LRRC49: variants seen among roughly 807,000 people sequenced by gnomAD.
LRRC49 encodes the protein leucine-rich repeat-containing protein 49.
LRRC49 carries 50 observed loss-of-function variants against 83.3 expected under a neutral mutation model. The observed-to-expected ratio is 0.60, with a 90% CI of 0.48 to 0.76. The LOEUF is 0.76. Ranked by LOEUF, LRRC49 falls within the 30% of genes least tolerant of loss-of-function variation. The probability of loss-of-function intolerance (pLI) is 0.00; values close to 1 mark genes in which losing one functional copy is unlikely to be tolerated. For missense variants in LRRC49, 704 were observed against 809.1 expected (o/e 0.87, Z 1.58); for synonymous variants, 286 against 283.3 (o/e 1.01, Z -0.10).
In LRRC49 at chr15:71,051,182, A is replaced by G. The variant is rs1596189379; in HGVS notation, c.*1570A>G. ...TTGGCACTTAGGCCATCAGCTTACT[A>G]GTGTGTAACCTCAGTTTCCTCCTGA... is the stretch of plus-strand genomic sequence containing the variant. On this transcript the variant is annotated 3_prime_UTR_variant, in exon 16 of 16. Transcript: ENST00000260382. 1 of 152,362 alleles carries G rather than the reference A, an allele frequency of 6.6e-6. No individual in the cohort carries two copies. The highest frequency in any genetic ancestry group is 6.5e-5 in the Admixed American group (1 of 15,300). The allele number at this position is 152,362 out of a possible 1,614,324, so 9.4% of individuals were successfully genotyped here.
chr15:70,898,389 T>C (rs1410030793), intron 3 of LRRC49: 1 of 701,172 alleles, frequency 1.4e-6, no homozygotes, highest in African/African-American at 1.7e-5. Context: ...ATATAAAGAA[T>C]GTAAAATGAG....
intron 9 of LRRC49, among the ~76,000 whole-genome samples, chr15:70,975,047 A>AT (rs2037157719): frequency 6.6e-6 from 1 of 152,228 alleles, no homozygotes. Flanking sequence ...AAAAGTTAAT[A>AT]TGGCTTAAAA....
At chr15:71,016,015 AG>A (rs1476490445) in intron 14 of LRRC49, among the ~76,000 whole-genome samples, 1 of 152,198 alleles carries the variant, frequency 6.6e-6, no homozygotes, top group Admixed American at 6.5e-5. Flanking sequence ...ACAATTGTAT[AG>A]TATGCTGCAA....
chr15:71,008,982 T>C (rs1355038708), intron 12 of LRRC49, among the ~76,000 whole-genome samples: 3 of 151,954 alleles, frequency 2.0e-5, no homozygotes, highest in African/African-American at 7.2e-5. Flanking sequence ...ATTTTTACAG[T>C]TGTCCCCTAA....
At chr15:70,938,531 A>G (rs963120632) in intron 8 of LRRC49, among the ~76,000 whole-genome samples, 15 of 152,246 alleles carry the variant, frequency 9.9e-5, no homozygotes, top group African/African-American at 3.6e-4. Flanking sequence ...CTTGTGGTCC[A>G]GGAGGTGGTA....
chr15:70,980,494 A>G (rs1046404569), intron 10 of LRRC49, among the ~76,000 whole-genome samples: 2 of 151,848 alleles, frequency 1.3e-5, no homozygotes, highest in Admixed American at 6.6e-5. Flanking sequence ...TGTGTATCCC[A>G]TGGCCTATTC....
intron 14 of LRRC49, among the ~76,000 whole-genome samples, chr15:71,017,532 G>C (rs1194141766): frequency 1.3e-5 from 2 of 151,198 alleles, no homozygotes; most frequent in African/African-American, 4.9e-5. Flanking sequence ...AGACAGTTGA[G>C]ATAATAGAAA....
chr15:70,955,697 G>A (rs141247133), intron 8 of LRRC49, among the ~76,000 whole-genome samples: 1 of 152,116 alleles, frequency 6.6e-6, no homozygotes, highest in African/African-American at 2.4e-5. Flanking sequence ...TGGTTCCTAC[G>A]TTTATTTATT....
In LRRC49 at chr15:71,009,992, G is replaced by C. The variant is rs1231370248; in HGVS notation, c.1593G>C (p.Glu531Asp). 1.3e-6 allele frequency: 2 copies of C among 1,559,038 alleles called. No homozygotes were observed. Among genetic ancestry groups the C allele is most frequent in the Non-Finnish European group, 1.7e-6 (2 of 1,148,484 alleles). ...GTATGCAGAAAATAAATGGAACAGA[G>C]GTAAGCTAAAAACTAGATGAACTAT... The part of the protein sequence containing the change: ...HFSMQKINGT[E>D]VTQNDMIMAE... Residue 531 changes from glutamate (E) to aspartate (D), a missense_variant and splice_region_variant, in exon 13 of 16, where the codon GAG becomes GAC. Glu to Asp is a conservative substitution (Grantham distance 45, BLOSUM62 2). Coordinates refer to ENST00000260382, the MANE Select transcript of LRRC49 (RefSeq NM_017691.5).
chr15:71,015,271 A>T (rs1037584273), intron 14 of LRRC49, among the ~76,000 whole-genome samples: 1 of 152,204 alleles, frequency 6.6e-6, no homozygotes, highest in Non-Finnish European at 1.5e-5. Flanking sequence ...AAGTTTGATG[A>T]TATGCAGCGG....
intron 11 of LRRC49, among the ~76,000 whole-genome samples, chr15:70,989,915 G>A (rs1307197368): frequency 1.3e-5 from 2 of 152,162 alleles, no homozygotes; most frequent in African/African-American, 2.4e-5. Context: ...CTGTTTGCCT[G>A]GGTACCAGCA....
chr15:71,042,779 T>C (rs2039735533), intron 15 of LRRC49, among the ~76,000 whole-genome samples: 1 of 152,168 alleles, frequency 6.6e-6, no homozygotes, highest in African/African-American at 2.4e-5. Flanking sequence ...AGATTTAAGA[T>C]GGACATAGAA....
chr15:70,897,692 T>C (rs2033896204), intron 3 of LRRC49, among the ~76,000 whole-genome samples: 1 of 152,310 alleles, frequency 6.6e-6, no homozygotes, highest in East Asian at 1.9e-4. Flanking sequence ...TATCATAGCC[T>C]GTCCACAAAA....
At chr15:70,861,509 G>A (rs2032789898) in intron 1 of LRRC49, among the ~76,000 whole-genome samples, 2 of 151,662 alleles carry the variant, frequency 1.3e-5, no homozygotes, top group East Asian at 1.9e-4. Flanking sequence ...AAAAGAGTAG[G>A]GTTTTCTAAA....
chr15:70,895,687 A>G lies in LRRC49; in HGVS notation c.106-162A>G, dbSNP rs527908532. On this transcript the variant is annotated intron_variant, in intron 2 of 15. Coordinates refer to ENST00000260382, the MANE Select transcript of LRRC49 (RefSeq NM_017691.5). ...GCTTTCCATCTCTATGGATTTGCCAATGTGGTATTTTGTGTCAGTTTTCTT... is the reference window on the plus strand; with the variant it reads ...GCTTTCCATCTCTATGGATTTGCCAGTGTGGTATTTTGTGTCAGTTTTCTT... 5.9e-5 allele frequency: 31 copies of G among 526,330 alleles called. No homozygotes were observed. In the South Asian group the frequency reaches 6.7e-4, roughly 11 times the overall value. 32.6% of individuals were successfully genotyped at this position (526,330 alleles called of 1,614,324 possible).
intron 8 of LRRC49, among the ~76,000 whole-genome samples, chr15:70,950,940 G>T (rs1467769863): frequency 6.6e-6 from 1 of 152,122 alleles, no homozygotes; most frequent in Non-Finnish European, 1.5e-5. Context: ...TTTGTATATG[G>T]TGAGAGGAAG....
At chr15:70,964,484 A>G (rs2141199885) in intron 9 of LRRC49, among the ~76,000 whole-genome samples, 1 of 152,260 alleles carries the variant, frequency 6.6e-6, no homozygotes, top group East Asian at 1.9e-4. Flanking sequence ...ATTTGTATGT[A>G]GTTGTTATTG....
chr15:70,861,788 G>C (rs2032796157), intron 1 of LRRC49, among the ~76,000 whole-genome samples: 1 of 152,200 alleles, frequency 6.6e-6, no homozygotes, highest in African/African-American at 2.4e-5. Flanking sequence ...AGCCGGGCAT[G>C]GTGGTGTGCG....
intron 3 of LRRC49, chr15:70,900,215 C>A: frequency 4.2e-6 from 1 of 236,256 alleles, no homozygotes; most frequent in Non-Finnish European, 8.5e-6. Context: ...AGATTGAAAG[C>A]TACATAATGG....
Sources: gnomAD v4.1 joint callset for allele counts (sites outside exome capture counted in the v4.1 genomes callset) on GRCh38, gnomAD v4.1.1 for gene constraint, MANE v1.5 for transcripts, NCBI Gene and HGNC (gene_info 2026-07-23, HGNC 2026-07-21) for gene names.